Variants in HDAC8 observed in about 807,000 individuals in gnomAD.
HDAC8 encodes the protein histone deacetylase-like 1.
In HDAC8, 1 loss-of-function variant was observed where a neutral mutation model predicts 32.2. That is an observed-to-expected ratio of 0.03 (90% confidence interval 0.01 to 0.15). HDAC8 has a LOEUF of 0.15. Among genes scored for constraint, HDAC8 ranks in the 10% least tolerant of loss-of-function variants. The probability of loss-of-function intolerance (pLI) is 1.00; values close to 1 mark genes in which losing one functional copy is unlikely to be tolerated. For missense variants in HDAC8, 117 were observed against 300.0 expected, an observed-to-expected ratio of 0.39 and a Z score of 4.51; for synonymous variants, 108 against 113.9, an observed-to-expected ratio of 0.95 and a Z score of 0.33.
At chrX:72,548,823 C>G (rs2050959950) in intron 4 of HDAC8, among the ~76,000 whole-genome samples, 1 of 111,498 alleles carries the variant, frequency 9.0e-6, no homozygotes, top group Admixed American at 9.5e-5. Context: ...GCATGCACCA[C>G]CATGCCCAGC....
At chrX:72,360,123 GAGGCGGGC>G (rs1180063799) in intron 9 of HDAC8, among the ~76,000 whole-genome samples, 1 of 109,583 alleles carries the variant, frequency 9.1e-6, no homozygotes, top group Non-Finnish European at 1.9e-5. Flanking sequence ...TTAGGAGGGT[GAGGCGGGC>G]AGGTCACGAG....
chrX:72,407,269 G>T (rs181465659), intron 9 of HDAC8, among the ~76,000 whole-genome samples: 1 of 112,162 alleles, frequency 8.9e-6, no homozygotes, highest in Admixed American at 9.4e-5. Flanking sequence ...GCTGGCCTGC[G>T]CACTGGGAGG....
At chrX:72,560,356 G>A (rs1462162766) in intron 4 of HDAC8, among the ~76,000 whole-genome samples, 1 of 109,171 alleles carries the variant, frequency 9.2e-6, no homozygotes, top group Non-Finnish European at 1.9e-5. Context: ...ACAGATGCTT[G>A]AAGGCAGCAT....
At chrX:72,352,933 G>A (rs1361568705) in intron 9 of HDAC8, among the ~76,000 whole-genome samples, 3 of 111,756 alleles carry the variant, frequency 2.7e-5, no homozygotes, top group Admixed American at 9.5e-5. Context: ...TAGTATTTGT[G>A]CACACTCTCC....
In HDAC8 at chrX:72,470,212, C is replaced by T. The variant is rs144682952; in HGVS notation, c.738-5481G>A. 1.4e-4 allele frequency among the ~76,000 whole-genome samples: 15 copies of T among 108,411 alleles called. No homozygotes were observed. The East Asian group carries it at 4.5e-3, about 33-fold the overall frequency. The allele number at this position is 108,411 out of a possible 115,157, so 94.1% of individuals were successfully genotyped here. The stretch of plus-strand genomic sequence containing the variant: ...TACATACATACATACATAAATACAA[C>T]ATAAAGGTCTATCAAATAAAAGTGA... On this transcript the variant is annotated intron_variant, in intron 7 of 10. Transcript: ENST00000373573.
Position 72,489,947 on chromosome X carries a change from T to C in HDAC8, c.629-906A>G, listed in dbSNP as rs782166780. Among the ~76,000 whole-genome samples, 17 of 111,478 alleles carry C rather than the reference T, an allele frequency of 1.5e-4. No individual in the cohort carries two copies. In the South Asian group the frequency reaches 6.1e-3, roughly 40 times the overall value. ...CCCATCAAAAAGTGGGCGAAGGACATGAACAGACTCTTCTCAAAAGAAGAC... is the reference window on the plus strand; with the variant it reads ...CCCATCAAAAAGTGGGCGAAGGACACGAACAGACTCTTCTCAAAAGAAGAC... On this transcript the variant is annotated intron_variant, in intron 6 of 10. Transcript: ENST00000373573.
chrX:72,363,863 C>T lies in HDAC8; in HGVS notation c.1006-12025G>A, dbSNP rs782667047. On this transcript the variant is annotated intron_variant, in intron 9 of 10. Coordinates refer to ENST00000373573, the MANE Select transcript of HDAC8 (RefSeq NM_018486.3). Reference sequence around the variant, plus strand: ...TGCTGGGATTACAGGCATGAGCCACCGTGCCCAGCCTTGAACTGTTTTTTA... The same window carrying T: ...TGCTGGGATTACAGGCATGAGCCACTGTGCCCAGCCTTGAACTGTTTTTTA... Among the ~76,000 whole-genome samples, 19 of 112,318 alleles carry T rather than the reference C, an allele frequency of 1.7e-4. No homozygotes were observed. The South Asian group carries it at 6.7e-3, about 40-fold the overall frequency.
At chrX:72,532,818 A>G (rs1467288439) in intron 4 of HDAC8, among the ~76,000 whole-genome samples, 3 of 111,538 alleles carry the variant, frequency 2.7e-5, no homozygotes, top group Non-Finnish European at 5.6e-5. Context: ...CTCCCATTCT[A>G]TGGATTATCT....
intron 7 of HDAC8, among the ~76,000 whole-genome samples, chrX:72,469,107 A>T (rs1347131530): frequency 9.2e-6 from 1 of 108,952 alleles, no homozygotes; most frequent in Non-Finnish European, 1.9e-5. Flanking sequence ...TCCAATTCCT[A>T]TTGTATTTGG....
intron 9 of HDAC8, among the ~76,000 whole-genome samples, chrX:72,445,746 C>G (rs1393358523): frequency 9.0e-6 from 1 of 111,646 alleles, no homozygotes; most frequent in African/African-American, 3.3e-5. Flanking sequence ...AGTGAACAGT[C>G]AACCTACAAA....
chrX:72,430,289 T>C (rs1755822867), intron 9 of HDAC8, among the ~76,000 whole-genome samples: 2 of 112,253 alleles, frequency 1.8e-5, no homozygotes, highest in Non-Finnish European at 3.8e-5. Context: ...TCAATCACCT[T>C]AGACATTTCT....
At chrX:72,461,243 A>C (rs1342306855) in intron 9 of HDAC8, among the ~76,000 whole-genome samples, 1 of 111,612 alleles carries the variant, frequency 9.0e-6, no homozygotes, top group African/African-American at 3.3e-5. Context: ...GTAGTTATAC[A>C]TCTTGATCTA....
rs782413919 is a variant in HDAC8, at chrX:72,556,785, G to T, written c.437+11104C>A. Among the ~76,000 whole-genome samples the T allele has an allele frequency of 2.7e-5, 3 of 111,624 alleles. No homozygotes were observed. In the South Asian group the frequency reaches 1.1e-3, roughly 42 times the overall value. On this transcript the variant is annotated intron_variant, in intron 4 of 10. Transcript: ENST00000373573. ...ACTATTAGACCTAAGAAATGAGATA[G>T]ACAGCAACACAATTATAGTGAGGGA...
intron 4 of HDAC8, among the ~76,000 whole-genome samples, chrX:72,546,093 A>G (rs781837603): frequency 9.0e-6 from 1 of 111,478 alleles, no homozygotes; most frequent in East Asian, 2.8e-4. Flanking sequence ...ATACAGCTCT[A>G]GTAGCTTTGA....
chrX:72,417,395 CA>C (rs1428488343), intron 9 of HDAC8, among the ~76,000 whole-genome samples: 1 of 111,741 alleles, frequency 8.9e-6, no homozygotes, highest in Non-Finnish European at 1.9e-5. Flanking sequence ...CTTCAAGATA[CA>C]AAAATCAGCA....
chrX:72,503,754 T>C (rs1172596525), intron 4 of HDAC8, among the ~76,000 whole-genome samples: 1 of 112,172 alleles, frequency 8.9e-6, no homozygotes, highest in African/African-American at 3.2e-5. Context: ...TGGAATGCCA[T>C]ATTTGTGAAT....
At chrX:72,386,973 C>A (rs782283391) in intron 9 of HDAC8, among the ~76,000 whole-genome samples, 2 of 112,358 alleles carry the variant, frequency 1.8e-5, no homozygotes, top group Non-Finnish European at 3.8e-5. Flanking sequence ...GGGCTCCACT[C>A]TGGAGCTGAA....
intron 7 of HDAC8, among the ~76,000 whole-genome samples, chrX:72,481,427 A>G (rs1453312747): frequency 8.9e-6 from 1 of 112,017 alleles, no homozygotes; most frequent in Non-Finnish European, 1.9e-5. Flanking sequence ...TCTCACATGC[A>G]AATTTCTAGA....
At chrX:72,384,861 A>G (rs2045377714) in intron 9 of HDAC8, among the ~76,000 whole-genome samples, 1 of 112,166 alleles carries the variant, frequency 8.9e-6, no homozygotes, top group African/African-American at 3.2e-5. Flanking sequence ...ATTTTGATAC[A>G]ATAAGAAAAC....
Sources: gnomAD v4.1 joint callset for allele counts (sites outside exome capture counted in the v4.1 genomes callset) on GRCh38, gnomAD v4.1.1 for gene constraint, MANE v1.5 for transcripts, NCBI Gene and HGNC (gene_info 2026-07-23, HGNC 2026-07-21) for gene names.